The following COL5A2 variants were observed in gnomAD, a reference collection of about 807,000 sequenced individuals.
COL5A2 encodes collagen type V alpha 2 chain.
In COL5A2, 23 loss-of-function variants were observed where a neutral mutation model predicts 208.2. The observed-to-expected ratio is 0.11, with a 90% CI of 0.08 to 0.16. COL5A2 has a LOEUF of 0.16. COL5A2 is among the 10% of genes least tolerant of loss of function. The probability of loss-of-function intolerance (pLI) is 1.00; values close to 1 mark genes in which losing one functional copy is unlikely to be tolerated. For synonymous variants in COL5A2, 625 were observed against 628.5 expected (o/e 0.99, Z 0.08); for missense variants, 1,590 against 1,956.4 (o/e 0.81, Z 3.53).
chr2:189,254,498 A>G, the COL5A2 span, among the ~76,000 whole-genome samples: 2 of 152,252 alleles, frequency 1.3e-5, no homozygotes, highest in Non-Finnish European at 2.9e-5. Context: ...AGCCAAACAC[A>G]TGTGCCATCC....
the COL5A2 span, among the ~76,000 whole-genome samples, chr2:189,324,296 G>A: frequency 0.02 from 3,017 of 152,254 alleles, 101 homozygotes; most frequent in African/African-American, 0.069. Context: ...AATGGCAACA[G>A]AAGCCAAAAT....
At chr2:189,429,017 G>A in the COL5A2 span, among the ~76,000 whole-genome samples, 1 of 152,152 alleles carries the variant, frequency 6.6e-6, no homozygotes, top group Non-Finnish European at 1.5e-5. Context: ...CAGGCCGGAA[G>A]AATAAATTCA....
At chr2:189,330,436 A>C in the COL5A2 span, among the ~76,000 whole-genome samples, 1 of 152,210 alleles carries the variant, frequency 6.6e-6, no homozygotes, top group Admixed American at 6.5e-5. Flanking sequence ...GGAGGTTCAC[A>C]GGGCTTTTAC....
chr2:189,281,013 ATTAT>A, the COL5A2 span, among the ~76,000 whole-genome samples: 1 of 151,958 alleles, frequency 6.6e-6, no homozygotes, highest in East Asian at 1.9e-4. Flanking sequence ...AATCTAATAC[ATTAT>A]TTTTCTTATG....
chr2:189,196,750 C>T (rs1689006446), intron 1 of COL5A2, among the ~76,000 whole-genome samples: 1 of 152,058 alleles, frequency 6.6e-6, no homozygotes, highest in Non-Finnish European at 1.5e-5. Flanking sequence ...CAATGAGATA[C>T]CATCTCATGA....
At chr2:189,247,440 C>T in the COL5A2 span, among the ~76,000 whole-genome samples, 19 of 151,976 alleles carry the variant, frequency 1.3e-4, no homozygotes, top group African/African-American at 3.9e-4. Flanking sequence ...TATTTGAGTC[C>T]GAAAAGTTCC....
intron 16 of COL5A2, among the ~76,000 whole-genome samples, chr2:189,075,989 C>G (rs1195909367): frequency 6.6e-6 from 1 of 152,090 alleles, no homozygotes. Context: ...TGTGCTCTTT[C>G]CTTGGTCAAT....
the COL5A2 span, among the ~76,000 whole-genome samples, chr2:189,324,451 A>T: frequency 6.6e-6 from 1 of 152,198 alleles, no homozygotes; most frequent in Non-Finnish European, 1.5e-5. Flanking sequence ...TCTACAAAGA[A>T]CTCAAACAAA....
At position 189,199,230 on chromosome 2, in the gene COL5A2, T is replaced by C. The variant is rs149671588; in HGVS notation, c.-42+25918A>G. 7.9e-5 allele frequency among the ~76,000 whole-genome samples: 12 copies of C among 152,322 alleles called. No individual in the cohort carries two copies. The East Asian group carries it at 2.3e-3, about 29-fold the overall frequency. ...AACACTGGCCACTTTATTAATTCTA[T>C]TCATGTTTAGCAAAGATTTGTATAA... On this transcript the variant is annotated intron_variant, in intron 1 of 10. Transcript: ENST00000649966.
At chr2:189,304,447 C>CT in the COL5A2 span, among the ~76,000 whole-genome samples, 2 of 152,136 alleles carry the variant, frequency 1.3e-5, no homozygotes, top group Non-Finnish European at 2.9e-5. Context: ...GTTGTTCAGC[C>CT]TGTACAGGAA....
At chr2:189,237,612 G>A in the COL5A2 span, among the ~76,000 whole-genome samples, 4 of 151,946 alleles carry the variant, frequency 2.6e-5, no homozygotes, top group African/African-American at 7.2e-5. Flanking sequence ...GAACATTACT[G>A]TGGTAAAAGC....
intron 12 of COL5A2, among the ~76,000 whole-genome samples, chr2:189,083,692 T>C (rs1686588116): frequency 6.6e-6 from 1 of 152,140 alleles, no homozygotes; most frequent in African/African-American, 2.4e-5. Context: ...AAAAACTATT[T>C]TTTTCTGAAT....
In COL5A2 at chr2:189,170,883, T is replaced by C. The variant is rs149134776; in HGVS notation, c.97+8625A>G. Among the ~76,000 whole-genome samples, 229 of 152,254 alleles carry C rather than the reference T, an allele frequency of 1.5e-3. 4 individuals carry two copies. In the East Asian group the frequency reaches 0.035, roughly 23 times the overall value. On this transcript the variant is annotated intron_variant, in intron 1 of 53. Transcript: ENST00000374866. ...AATAAATAATGTTAATAAATTATAA[T>C]GTCACTGGAGAGTGACATTATAAAA...
chr2:189,351,728 A>C, the COL5A2 span, among the ~76,000 whole-genome samples: 3 of 152,172 alleles, frequency 2.0e-5, no homozygotes, highest in African/African-American at 7.2e-5. Flanking sequence ...ACAGTAAATT[A>C]ATGAAAAGGG....
chr2:189,322,030 A>G, the COL5A2 span, among the ~76,000 whole-genome samples: 1 of 152,228 alleles, frequency 6.6e-6, no homozygotes, highest in Admixed American at 6.5e-5. Context: ...AACTCACTCA[A>G]AACCACTCAA....
chr2:189,048,315 C>T (rs867866469), intron 44 of COL5A2, 53 bp from the exon 45 acceptor site: 1 of 1,533,174 alleles, frequency 6.5e-7, no homozygotes, highest in Middle Eastern at 1.7e-4. Context: ...GAAAAAAATC[C>T]TCATTCCAAT....
the COL5A2 span, among the ~76,000 whole-genome samples, chr2:189,270,641 T>C: frequency 2.0e-5 from 3 of 152,102 alleles, no homozygotes; most frequent in Non-Finnish European, 4.4e-5. Context: ...GTGTTTTACT[T>C]CCAGTTATGT....
At chr2:189,104,348 T>C (rs539789393) in intron 2 of COL5A2, 71 bp from the exon 3 acceptor site, 1 of 1,042,502 alleles carries the variant, frequency 9.6e-7, no homozygotes, top group South Asian at 1.3e-5. Flanking sequence ...AAATATTTAC[T>C]TTCAATAATA....
In COL5A2 at chr2:189,179,613, A is replaced by G. The variant is rs963708904; in HGVS notation, c.-9T>C. On this transcript the variant is annotated 5_prime_UTR_variant, in exon 1 of 54. Transcript: ENST00000374866. ...GCCCAGTTTGCCATCATGTCTAAAT[A>G]TTAGACATGTGGGTTCTCCTGAGAG... 1.9e-6 allele frequency: 3 copies of G among 1,598,050 alleles called. No individual in the cohort carries two copies. The highest frequency in any genetic ancestry group is 3.4e-5 in the Admixed American group (2 of 58,844).
Sources: allele counts gnomAD v4.1 joint callset (sites outside exome capture counted in the v4.1 genomes callset), GRCh38; gene constraint gnomAD v4.1.1; transcripts MANE v1.5; gene names NCBI Gene and HGNC (gene_info 2026-07-23, HGNC 2026-07-21).